Variants in LY96 observed in about 807,000 individuals in gnomAD.
The protein encoded by LY96 is lymphocyte antigen 96.
LY96 carries 18 observed loss-of-function variants against 18.9 expected under a neutral mutation model. The ratio of observed to expected loss-of-function variants is 0.95; its 90% CI spans 0.66 to 1.41. The LOEUF is 1.41. LY96 is among the 40% of genes most tolerant of loss of function. The pLI, the probability that LY96 is intolerant of heterozygous loss-of-function variation, is 0.00. For missense variants in LY96, 175 were observed against 182.4 expected, an observed-to-expected ratio of 0.96 and a Z score of 0.23; for synonymous variants, 66 against 62.6, an observed-to-expected ratio of 1.06 and a Z score of -0.26.
intron 1 of LY96, among the ~76,000 whole-genome samples, chr8:73,997,246 C>T (rs1816168618): frequency 6.6e-6 from 1 of 152,182 alleles, no homozygotes; most frequent in Non-Finnish European, 1.5e-5. Context: ...GTATCTCTTT[C>T]CCTCACCTAT....
chr8:74,004,690 T>C, intron 1 of LY96, 106 bp from the exon 2 acceptor site: 2 of 1,090,688 alleles, frequency 1.8e-6, no homozygotes, highest in Non-Finnish European at 2.6e-6. Context: ...TTTTCTTATT[T>C]TATAATTTTA....
chr8:74,083,725 G>A, the LY96 span, among the ~76,000 whole-genome samples: 1,514 of 152,122 alleles, frequency 1.0e-2, 76 homozygotes, highest in Admixed American at 0.076. Context: ...AGGTCTTGCT[G>A]TGTCACCCAG....
the LY96 span, among the ~76,000 whole-genome samples, chr8:74,054,520 TTTCCTTCCTTCCTTCC>T: frequency 0.2 from 23,070 of 118,286 alleles, 2,449 homozygotes; most frequent in African/African-American, 0.28. Context: ...TTTTCTTTCT[TTTCCTTCCTTCCTTCC>T]TTCCTTCCTT....
At chr8:74,088,148 TAGAAA>T in the LY96 span, among the ~76,000 whole-genome samples, 173 of 144,682 alleles carry the variant, frequency 1.2e-3, no homozygotes, top group African/African-American at 3.8e-3. Context: ...TAGAATAGAA[TAGAAA>T]AGAATAGAAA....
intron 3 of LY96, among the ~76,000 whole-genome samples, chr8:74,018,362 A>G (rs1299416755): frequency 6.6e-6 from 1 of 152,240 alleles, no homozygotes; most frequent in Non-Finnish European, 1.5e-5. Context: ...CAATTCAACA[A>G]GAAGAGCTAA....
chr8:74,040,016 C>T, the LY96 span, among the ~76,000 whole-genome samples: 1 of 152,188 alleles, frequency 6.6e-6, no homozygotes, highest in Non-Finnish European at 1.5e-5. Flanking sequence ...ACTGGCATTA[C>T]CGCTTGACCA....
At chr8:74,055,466 G>T in the LY96 span, among the ~76,000 whole-genome samples, 6 of 152,050 alleles carry the variant, frequency 3.9e-5, no homozygotes, top group Non-Finnish European at 7.4e-5. Flanking sequence ...CAGTCATAAG[G>T]TTTTTGTGAA....
At chr8:74,012,121 C>G (rs1017523771) in intron 3 of LY96, among the ~76,000 whole-genome samples, 2 of 152,092 alleles carry the variant, frequency 1.3e-5, no homozygotes, top group Non-Finnish European at 2.9e-5. Context: ...CTATGGAAAG[C>G]AATATGGAGA....
intron 3 of LY96, among the ~76,000 whole-genome samples, chr8:74,015,112 C>T (rs562708271): frequency 5.1e-4 from 77 of 152,018 alleles, no homozygotes; most frequent in African/African-American, 1.6e-3. Flanking sequence ...GAGGCTGAGG[C>T]GGGAGGATCA....
chr8:74,017,445 T>C (rs1816667755), intron 3 of LY96, among the ~76,000 whole-genome samples: 3 of 152,294 alleles, frequency 2.0e-5, no homozygotes, highest in South Asian at 2.1e-4. Flanking sequence ...CTGAAAGTGA[T>C]GGTGAGAATG....
At chr8:74,032,965 C>T (rs1217231362), downstream of LY96, among the ~76,000 whole-genome samples, 1 of 152,186 alleles carries the variant, frequency 6.6e-6, no homozygotes, top group Non-Finnish European at 1.5e-5. Flanking sequence ...GCTTCATATG[C>T]AAGCCATGTG....
chr8:74,040,384 G>A, the LY96 span, among the ~76,000 whole-genome samples: 1,075 of 152,244 alleles, frequency 7.1e-3, 12 homozygotes, highest in Non-Finnish European at 9.1e-3. Context: ...TTGTGCTTGT[G>A]GGGTATTACT....
chr8:74,050,188 C>T, the LY96 span, among the ~76,000 whole-genome samples: 1 of 151,814 alleles, frequency 6.6e-6, no homozygotes, highest in Non-Finnish European at 1.5e-5. Flanking sequence ...ACTAAAAATA[C>T]AAAAATTAGG....
At chr8:74,032,585 G>C (rs10105473), downstream of LY96, among the ~76,000 whole-genome samples, 8,547 of 152,292 alleles carry the variant, frequency 0.056, 782 homozygotes, top group African/African-American at 0.19. Flanking sequence ...GAATTGCTCA[G>C]TCGGAGAGCT....
At chr8:73,995,310 G>A (rs1217107359) in intron 1 of LY96, among the ~76,000 whole-genome samples, 1 of 152,184 alleles carries the variant, frequency 6.6e-6, no homozygotes, top group Non-Finnish European at 1.5e-5. Flanking sequence ...AGCACAAAGT[G>A]GACTAAGACA....
the LY96 span, among the ~76,000 whole-genome samples, chr8:74,064,646 A>G: frequency 4.6e-5 from 7 of 152,202 alleles, no homozygotes; most frequent in Non-Finnish European, 1.5e-5. Flanking sequence ...CACCAGAAGC[A>G]GATGGTGGTG....
the LY96 span, among the ~76,000 whole-genome samples, chr8:74,091,815 A>G: frequency 6.6e-6 from 1 of 152,094 alleles, no homozygotes; most frequent in Non-Finnish European, 1.5e-5. Flanking sequence ...TTTCTTTGAC[A>G]TGGTCCTTCC....
At chr8:74,018,115 TAA>T (rs1183749800) in intron 3 of LY96, among the ~76,000 whole-genome samples, 2 of 151,824 alleles carry the variant, frequency 1.3e-5, no homozygotes, top group Non-Finnish European at 2.9e-5. Flanking sequence ...GCAAATTGGA[TAA>T]AGAGTCAAGA....
the LY96 span, among the ~76,000 whole-genome samples, chr8:74,088,602 T>C: frequency 6.6e-6 from 1 of 152,146 alleles, no homozygotes; most frequent in East Asian, 1.9e-4. Flanking sequence ...TTTATTTATT[T>C]ATTGAGAGAG....
Sources: allele counts gnomAD v4.1 joint callset (sites outside exome capture counted in the v4.1 genomes callset), GRCh38; gene constraint gnomAD v4.1.1; transcripts MANE v1.5; gene names NCBI Gene and HGNC (gene_info 2026-07-23, HGNC 2026-07-21).